Variants in THEM4 observed in about 807,000 individuals in gnomAD.
THEM4 encodes the protein thioesterase superfamily member 4, also known as acyl-coenzyme A thioesterase THEM4.
Under a neutral mutation model 25.0 loss-of-function variants are expected in THEM4, and 22 were observed. The ratio of observed to expected loss-of-function variants is 0.88; its 90% CI spans 0.63 to 1.26. The LOEUF is 1.26. Ranked by LOEUF, THEM4 falls within the 50% of genes most tolerant of loss-of-function variation. The pLI is 0.00. For missense variants in THEM4, 286 were observed against 300.3 expected (o/e 0.95, Z 0.35); for synonymous variants, 113 against 105.6 (o/e 1.07, Z -0.43).
chr1:151,909,367 G>A lies in THEM4; in HGVS notation c.92C>T (p.Pro31Leu). 1 of 1,510,128 alleles carries A rather than the reference G, an allele frequency of 6.6e-7. No individual in the cohort carries two copies. Among genetic ancestry groups the A allele is most frequent in the Non-Finnish European group, 8.8e-7 (1 of 1,135,064 alleles). The allele number at this position is 1,510,128 out of a possible 1,614,324, so 93.5% of individuals were successfully genotyped here. Residue 31 changes from proline to leucine, a missense_variant, in exon 1 of 6, where the codon CCC becomes CTC. Physicochemically the swap from Pro to Leu is moderately conservative, Grantham distance 98. Transcript: ENST00000368814. ...GRRLPGSEPR[P>L]ELRSFSSEEV... ...GAGGGTGCCCAGACTCACCAGCTCG[G>A]GTCGCGGCTCGCTTCCCGGCAGGCG... is the stretch of plus-strand genomic sequence containing the variant.
intron 1 of THEM4, among the ~76,000 whole-genome samples, chr1:151,904,543 G>C (rs1654415586): frequency 1.3e-5 from 2 of 152,206 alleles, no homozygotes; most frequent in South Asian, 4.1e-4. Flanking sequence ...TTAAGCAAGG[G>C]AGTAATATGA....
chr1:151,889,271 A>G lies in THEM4; in HGVS notation c.389T>C (p.Ile130Thr), dbSNP rs747080508. 1.1e-5 allele frequency: 17 copies of G among 1,613,946 alleles called. No individual in the cohort carries two copies. The East Asian group carries it at 2.5e-4, about 23-fold the overall frequency. ...GFEYVMFYND[I>T]EKRMVCLFQG... ...AAATAAGCAAACCATCCTTTTCTCAATGTCATTGTAGAACATCACGTATTC... is the reference window on the plus strand; with the variant it reads ...AAATAAGCAAACCATCCTTTTCTCAGTGTCATTGTAGAACATCACGTATTC... The change falls in exon 3 of 6, where the codon ATT becomes ACT. Residue 130 changes from isoleucine to threonine, a missense_variant. Ile to Thr is a moderately conservative substitution (Grantham distance 89, BLOSUM62 -1). Transcript: ENST00000368814.
At position 151,879,659 on chromosome 1, in the gene THEM4, CT is replaced by C. The variant is rs60809136; in HGVS notation, c.558-2535del. ...CCATTTTCTTTCTTTCTTTTCTTTT[CT>C]TTTTTTTTTTTTTTGAGATGGAGTC... is the stretch of plus-strand genomic sequence containing the variant. On this transcript the variant is annotated intron_variant, in intron 4 of 5. Coordinates refer to ENST00000368814, the MANE Select transcript of THEM4 (RefSeq NM_053055.5). 1.5e-3 allele frequency among the ~76,000 whole-genome samples: 199 copies of C among 135,346 alleles called. 1 individual carries two copies. Among genetic ancestry groups the C allele is most frequent in the Admixed American group, 3.9e-3 (53 of 13,588 alleles). 88.8% of individuals were successfully genotyped at this position (135,346 alleles called of 152,430 possible).
In THEM4 at chr1:151,909,409, A is replaced by C. The variant is rs3748805; in HGVS notation, c.50T>G (p.Leu17Arg). The change falls in exon 1 of 6, where the codon CTG becomes CGG. Residue 17 changes from leucine to arginine, a missense_variant. By Grantham distance (102) the Leu-to-Arg change is moderately radical (BLOSUM62 -2). Coordinates refer to ENST00000368814, the MANE Select transcript of THEM4 (RefSeq NM_053055.5). ...CGGCAGGCGCCGGCCTACTGGCGGC[A>C]GGCACAGAGCCCCCAGCGTGCGGAG... ...ARLRTLGALC[L>R]PPVGRRLPGS... 0.92 allele frequency: 1,376,486 copies of C among 1,498,298 alleles called. 632,522 individuals are homozygous for C. The highest frequency in any genetic ancestry group is 0.96 in the East Asian group (34,597 of 36,218). The allele number at this position is 1,498,298 out of a possible 1,614,324, so 92.8% of individuals were successfully genotyped here.
chr1:151,907,580 G>A (rs192063592), intron 1 of THEM4, among the ~76,000 whole-genome samples: 3 of 152,128 alleles, frequency 2.0e-5, no homozygotes, highest in Non-Finnish European at 4.4e-5. Context: ...ATGTTAGTCC[G>A]CTGGGTCTGA....
At chr1:151,881,228 C>T (rs897031248) in intron 4 of THEM4, among the ~76,000 whole-genome samples, 4 of 152,032 alleles carry the variant, frequency 2.6e-5, no homozygotes, top group Non-Finnish European at 5.9e-5. Flanking sequence ...AGTGCAGTGG[C>T]GCAATCATAG....
At chr1:151,887,415 G>A (rs1653994824) in intron 4 of THEM4, among the ~76,000 whole-genome samples, 1 of 151,706 alleles carries the variant, frequency 6.6e-6, no homozygotes, top group Non-Finnish European at 1.5e-5. Flanking sequence ...GAGCAATAAA[G>A]TGAGACTTTG....
intron 4 of THEM4, among the ~76,000 whole-genome samples, chr1:151,881,281 C>T (rs1335884706): frequency 6.6e-6 from 1 of 152,210 alleles, no homozygotes; most frequent in Non-Finnish European, 1.5e-5. Flanking sequence ...GATCTTCTTG[C>T]ATCAACCTCC....
intron 4 of THEM4, 124 bp from the exon 5 acceptor site, chr1:151,877,249 GC>G: frequency 4.1e-6 from 4 of 980,282 alleles, no homozygotes; most frequent in Non-Finnish European, 5.8e-6. Flanking sequence ...AGCACTGACT[GC>G]CTTAGACAAT....
At chr1:151,887,702 C>A (rs1654004160) in intron 4 of THEM4, among the ~76,000 whole-genome samples, 1 of 151,970 alleles carries the variant, frequency 6.6e-6, no homozygotes. Context: ...GTGGCATGAT[C>A]CTAGCTCACT....
chr1:151,903,210 A>C (rs1572083765), intron 1 of THEM4, among the ~76,000 whole-genome samples: 2 of 152,144 alleles, frequency 1.3e-5, no homozygotes, highest in East Asian at 3.8e-4. Flanking sequence ...GAAAAGAAAA[A>C]GTTTTAAACC....
intron 1 of THEM4, among the ~76,000 whole-genome samples, chr1:151,895,742 T>C (rs1368986676): frequency 6.6e-6 from 1 of 151,904 alleles, no homozygotes; most frequent in East Asian, 1.9e-4. Context: ...AATCTCATAT[T>C]GAAATGTAAT....
intron 5 of THEM4, among the ~76,000 whole-genome samples, chr1:151,876,574 A>G (rs1052589427): frequency 2.0e-5 from 3 of 151,876 alleles, no homozygotes; most frequent in Non-Finnish European, 4.4e-5. Flanking sequence ...CAGCCTCCCA[A>G]GTAGCTGGGA....
intron 1 of THEM4, among the ~76,000 whole-genome samples, chr1:151,896,046 G>A (rs1654216444): frequency 1.4e-5 from 2 of 144,466 alleles, no homozygotes; most frequent in Non-Finnish European, 3.0e-5. Context: ...AGGCTGGAGT[G>A]CAGTGGCGCA....
intron 1 of THEM4, among the ~76,000 whole-genome samples, chr1:151,902,513 G>T (rs1035011440): frequency 6.6e-6 from 1 of 152,006 alleles, no homozygotes; most frequent in Non-Finnish European, 1.5e-5. Flanking sequence ...ATGGGAGGGG[G>T]ATAAGGGATA....
At position 151,871,443 on chromosome 1, in the gene THEM4, G is replaced by A. The variant is rs895746603; in HGVS notation, c.*3445C>T. On this transcript the variant is annotated 3_prime_UTR_variant, in exon 6 of 6. Transcript: ENST00000368814. ...GTGATGGAGTGGAGCTGGCAATTCT[G>A]ATAGCATCTCTCTCCTTCTTTCTAC... 1.3e-5 allele frequency among the ~76,000 whole-genome samples: 2 copies of A among 152,102 alleles called. No homozygotes were observed. The highest frequency in any genetic ancestry group is 2.9e-5 in the Non-Finnish European group (2 of 68,020).
At chr1:151,889,164 G>C (rs1654033933) in intron 3 of THEM4, 50 bp downstream of exon 3, 2 of 1,549,406 alleles carry the variant, frequency 1.3e-6, no homozygotes, top group Middle Eastern at 2.3e-4. Flanking sequence ...CATGGGGGCA[G>C]TGTAAGATAA....
At position 151,899,034 on chromosome 1, in the gene THEM4, C is replaced by T. The variant is rs191770925; in HGVS notation, c.100-3840G>A. Among the ~76,000 whole-genome samples, 431 of 152,298 alleles carry T rather than the reference C, an allele frequency of 2.8e-3. 2 individuals are homozygous for T. The highest frequency in any genetic ancestry group is 1.0e-2 in the African/African-American group (414 of 41,562). ...GGTAATATGACAAAACAAGGCTTGT[C>T]GACACCCCCCAAAAATCACACTAGT... On this transcript the variant is annotated intron_variant, in intron 1 of 5. Coordinates refer to ENST00000368814, the MANE Select transcript of THEM4 (RefSeq NM_053055.5).
chr1:151,900,959 A>G (rs1390762826), intron 1 of THEM4, among the ~76,000 whole-genome samples: 3 of 152,268 alleles, frequency 2.0e-5, no homozygotes, highest in Admixed American at 2.0e-4. Flanking sequence ...GCCACAAACA[A>G]TAGCATGAGC....
Sources: allele counts gnomAD v4.1 joint callset (sites outside exome capture counted in the v4.1 genomes callset), GRCh38; gene constraint gnomAD v4.1.1; transcripts MANE v1.5; gene names NCBI Gene and HGNC (gene_info 2026-07-23, HGNC 2026-07-21).